TRPC3: variants seen among roughly 807,000 people sequenced by gnomAD.
TRPC3 encodes short transient receptor potential channel 3.
Under a neutral mutation model 90.9 loss-of-function variants are expected in TRPC3, and 54 were observed. That is an observed-to-expected ratio of 0.59 (90% confidence interval 0.48 to 0.75). The LOEUF (loss-of-function observed/expected upper bound fraction) is 0.75. Among genes scored for constraint, TRPC3 ranks in the 30% least tolerant of loss-of-function variants. TRPC3 has a pLI of 0.00. For missense variants in TRPC3, 918 were observed against 1,194.5 expected, an observed-to-expected ratio of 0.77 and a Z score of 3.41; for synonymous variants, 424 against 450.9, an observed-to-expected ratio of 0.94 and a Z score of 0.75.
At chr4:121,882,902 T>C (rs952436455) in intron 10 of TRPC3, among the ~76,000 whole-genome samples, 2 of 152,114 alleles carry the variant, frequency 1.3e-5, no homozygotes, top group African/African-American at 2.4e-5. Flanking sequence ...ACTGTTTTCA[T>C]TTTGGTGTAT....
chr4:121,912,828 G>A (rs529745031), intron 4 of TRPC3, among the ~76,000 whole-genome samples: 2 of 152,304 alleles, frequency 1.3e-5, no homozygotes, highest in Admixed American at 6.5e-5. Context: ...AATCCCCTAT[G>A]ATATAATGTC....
chr4:121,888,627 C>T (rs1728215927), intron 10 of TRPC3, among the ~76,000 whole-genome samples: 1 of 151,254 alleles, frequency 6.6e-6, no homozygotes, highest in African/African-American at 2.4e-5. Flanking sequence ...AAACTCTTGA[C>T]CTCAGGTGAT....
chr4:121,903,142 G>A (rs1728761663), intron 8 of TRPC3, 81 bp from the exon 9 acceptor site: 2 of 1,280,894 alleles, frequency 1.6e-6, no homozygotes, highest in Admixed American at 2.5e-5. Context: ...TTTTTACAAT[G>A]AATCTAAGTT....
intron 1 of TRPC3, among the ~76,000 whole-genome samples, chr4:121,938,655 C>T (rs1306468255): frequency 6.6e-6 from 1 of 152,178 alleles, no homozygotes; most frequent in Admixed American, 6.5e-5. Context: ...GATAACAAAA[C>T]TGAGCTCAAA....
In TRPC3 at chr4:121,894,908, T is replaced by A. The variant is rs114275622; in HGVS notation, c.2547+4704A>T. Among the ~76,000 whole-genome samples the A allele has an allele frequency of 3.5e-3, 533 of 152,236 alleles. 7 individuals are homozygous for A. The highest frequency in any genetic ancestry group is 0.012 in the African/African-American group (514 of 41,550). On this transcript the variant is annotated intron_variant, in intron 10 of 11. Transcript: ENST00000379645. ...GGTACATTCTCTATGATTGACCATA[T>A]GTTAGGACATAAAACAAGTCTCAGG...
intron 10 of TRPC3, among the ~76,000 whole-genome samples, chr4:121,884,675 C>T (rs1420395133): frequency 6.6e-6 from 1 of 152,108 alleles, no homozygotes; most frequent in Non-Finnish European, 1.5e-5. Context: ...TGAGAGGGCC[C>T]ACGCTACTGA....
intron 3 of TRPC3, among the ~76,000 whole-genome samples, chr4:121,918,479 T>C (rs1023354185): frequency 6.6e-6 from 1 of 152,246 alleles, no homozygotes; most frequent in African/African-American, 2.4e-5. Flanking sequence ...TTTATAAAGA[T>C]TGCACAGCTT....
rs976975341 is a variant in TRPC3, at chr4:121,878,634, T to C, written c.*1102A>G. 6.6e-6 allele frequency among the ~76,000 whole-genome samples: 1 copy of C among 152,216 alleles called. No homozygotes were observed. Among genetic ancestry groups the C allele is most frequent in the African/African-American group, 2.4e-5 (1 of 41,458 alleles). On this transcript the variant is annotated 3_prime_UTR_variant, in exon 12 of 12. Transcript: ENST00000379645. ...TTCAGCACAATTATGTAATAAGGCA[T>C]ATGTAGATATATCACAATATATTTT...
At position 121,882,383 on chromosome 4, in the gene TRPC3, A is replaced by G; in HGVS notation, c.2594T>C (p.Val865Ala). 4 of 1,610,486 alleles carry G rather than the reference A, an allele frequency of 2.5e-6. No homozygotes were observed. Among genetic ancestry groups the G allele is most frequent in the Non-Finnish European group, 3.4e-6 (4 of 1,178,802 alleles). Residue 865 changes from valine (V) to alanine (A), a missense_variant, in exon 11 of 12, where the codon GTA becomes GCA. By Grantham distance (64) the Val-to-Ala change is moderately conservative. Around this residue, in one of 4 missense-constraint regions of TRPC3, gnomAD observed 41 missense variants for 69.4 expected, o/e 0.59. Coordinates refer to ENST00000379645, the MANE Select transcript of TRPC3 (RefSeq NM_001130698.2). Reference protein sequence around the residue: ...LIKRYVLKAQVDKENDEVNEG... With the variant: ...LIKRYVLKAQADKENDEVNEG... ...ATTAACTTCATCATTTTCTTTGTCTACTTGTGCTTTCAAAACATACCGCTT... is the reference window on the plus strand; with the variant it reads ...ATTAACTTCATCATTTTCTTTGTCTGCTTGTGCTTTCAAAACATACCGCTT...
At chr4:121,935,419 G>GGGGTGTGTGTGT (rs111983914) in intron 1 of TRPC3, among the ~76,000 whole-genome samples, 9 of 147,240 alleles carry the variant, frequency 6.1e-5, no homozygotes, top group African/African-American at 2.3e-4. Context: ...ACATGTGTGG[G>GGGGTGTGTGTGT]GTGTGTGTGT....
intron 1 of TRPC3, among the ~76,000 whole-genome samples, chr4:121,947,229 C>G (rs1463623956): frequency 6.7e-6 from 1 of 149,718 alleles, no homozygotes; most frequent in Non-Finnish European, 1.5e-5. Context: ...GTCCTTAAGT[C>G]TAATGCCATG....
intron 1 of TRPC3, chr4:121,933,293 T>TA (rs1243678400): frequency 5.2e-6 from 3 of 579,792 alleles, no homozygotes; most frequent in Non-Finnish European, 7.5e-6. Context: ...TAGAAAATGA[T>TA]ATTCAGATGG....
rs927027917 is a variant in TRPC3 at position 121,879,468 on chromosome 4, T to A, written c.*268A>T. 2.9e-6 allele frequency: 1 copy of A among 340,038 alleles called. No individual in the cohort carries two copies. The highest frequency in any genetic ancestry group is 2.2e-5 in the African/African-American group (1 of 44,760). The allele number at this position is 340,038 out of a possible 1,614,324, so 21.1% of individuals were successfully genotyped here. A position where few individuals can be genotyped will look rare whatever the true frequency, so the allele number is the denominator to read the frequency against. On this transcript the variant is annotated 3_prime_UTR_variant, in exon 12 of 12. Coordinates refer to ENST00000379645, the MANE Select transcript of TRPC3 (RefSeq NM_001130698.2). ...AAACAGGTAGTGCAAAGATGTGGAG[T>A]TTACTCTAAAATGAATAAAAGTTTC...
rs1729960627 is a variant in TRPC3, at chr4:121,932,287, A to G, written c.971T>C (p.Ile324Thr). 6.8e-6 allele frequency: 11 copies of G among 1,613,980 alleles called. No homozygotes were observed. The highest frequency in any genetic ancestry group is 1.1e-5 in the South Asian group (1 of 91,072). ...LSNELAKLAN[I>T]EKEFKNDYRK... ...AAAGCTTACCTTGAACTCCTTCTCTATGTTGGCCAGCTTGGCCAGCTCGTT... is the reference window on the plus strand; with the variant it reads ...AAAGCTTACCTTGAACTCCTTCTCTGTGTTGGCCAGCTTGGCCAGCTCGTT... The change falls in exon 2 of 12, where the codon ATA becomes ACA. Residue 324 changes from isoleucine (I) to threonine (T), a missense_variant. Ile to Thr is a moderately conservative substitution (Grantham distance 89). This residue lies in a region of TRPC3 where 609 missense variants were observed against 725.9 expected (regional missense o/e 0.84). Transcript: ENST00000379645. The surrounding 1 kb of genome is among the most constrained non-coding windows in gnomAD (Gnocchi z 7.7).
chr4:121,904,587 A>T lies in TRPC3; in HGVS notation c.2058-70T>A, dbSNP rs951358135. 11 of 1,252,656 alleles carry T rather than the reference A, an allele frequency of 8.8e-6. No homozygotes were observed. In the African/African-American group the frequency reaches 1.2e-4, roughly 14 times the overall value. 77.6% of individuals were successfully genotyped at this position (1,252,656 alleles called of 1,614,324 possible). Reference sequence around the variant, plus strand: ...AATATCTAAGAGTGAAAAGTAAAAAACAAGTTAGGGTTTAACTACTGTACA... The same window carrying T: ...AATATCTAAGAGTGAAAAGTAAAAATCAAGTTAGGGTTTAACTACTGTACA... On this transcript the variant is annotated intron_variant, in intron 7 of 11. Coordinates refer to ENST00000379645, the MANE Select transcript of TRPC3 (RefSeq NM_001130698.2).
At chr4:121,889,817 A>G (rs1728258000) in intron 10 of TRPC3, among the ~76,000 whole-genome samples, 1 of 152,220 alleles carries the variant, frequency 6.6e-6, no homozygotes, top group Non-Finnish European at 1.5e-5. Flanking sequence ...CACTACTGGT[A>G]TATACCCAAA....
At chr4:121,906,137 C>T (rs981319610) in intron 7 of TRPC3, among the ~76,000 whole-genome samples, 11 of 152,000 alleles carry the variant, frequency 7.2e-5, no homozygotes, top group Admixed American at 1.3e-4. Context: ...ATTGTCACAA[C>T]GACCTTATTT....
At chr4:121,944,543 A>G (rs1449207710) in intron 1 of TRPC3, among the ~76,000 whole-genome samples, 1 of 152,194 alleles carries the variant, frequency 6.6e-6, no homozygotes, top group Admixed American at 6.5e-5. Context: ...ATCCCAGCAC[A>G]ATAATGAAAA....
intron 3 of TRPC3, 56 bp from the exon 4 acceptor site, chr4:121,915,000 T>C (rs1729260191): frequency 6.9e-7 from 1 of 1,454,874 alleles, no homozygotes. Context: ...ACCATACCAT[T>C]GTCAATAGCT....
Sources: gnomAD v4.1 joint callset for allele counts (sites outside exome capture counted in the v4.1 genomes callset) on GRCh38, gnomAD v4.1.1 for gene constraint, gnomAD v4.1.1 regional missense constraint, Gnocchi (gnomAD v3.1) non-coding constraint, MANE v1.5 for transcripts, NCBI Gene and HGNC (gene_info 2026-07-23, HGNC 2026-07-21) for gene names.